The following PPFIA1 variants were observed in gnomAD, a reference collection of about 807,000 sequenced individuals.
The protein encoded by PPFIA1 is PPFI scaffold protein A1.
Under a neutral mutation model 149.9 loss-of-function variants are expected in PPFIA1, and 25 were observed. That is an observed-to-expected ratio of 0.17 (90% CI 0.12 to 0.23). PPFIA1 has a LOEUF of 0.23. Ranked by LOEUF, PPFIA1 falls within the 10% of genes least tolerant of loss-of-function variation. The probability of loss-of-function intolerance (pLI) is 1.00; values close to 1 mark genes in which losing one functional copy is unlikely to be tolerated. For missense variants in PPFIA1, 1,362 were observed against 1,506.5 expected, an observed-to-expected ratio of 0.90 and a Z score of 1.59; for synonymous variants, 549 against 552.8, an observed-to-expected ratio of 0.99 and a Z score of 0.10.
intron 19 of PPFIA1, chr11:70,358,715 T>G (rs1443340861): frequency 6.6e-6 from 1 of 152,242 alleles, no homozygotes; most frequent in Non-Finnish European, 1.5e-5. Flanking sequence ...TGCTTTCACT[T>G]ACAGAGAACT....
At chr11:70,283,547 G>C (rs111314974) in intron 2 of PPFIA1, among the ~76,000 whole-genome samples, 26 of 152,290 alleles carry the variant, frequency 1.7e-4, no homozygotes, top group African/African-American at 6.0e-4. Flanking sequence ...AGCTTCAGCT[G>C]GTTGCAGTGG....
chr11:70,335,440 G>A, intron 10 of PPFIA1, 123 bp from the exon 11 acceptor site: 2 of 1,126,878 alleles, frequency 1.8e-6, no homozygotes, highest in South Asian at 1.4e-5. Flanking sequence ...CAAGATGGCA[G>A]TGTGGGGAGC....
Position 70,275,679 on chromosome 11 carries a change from A to ACATGCTACATGTACAG in PPFIA1, c.264+3244_264+3245insATGCTACATGTACAGC, listed in dbSNP as rs1189153400. ...TAAAAGACTATTCTTTCCCCAGTGT[A>ACATGCTACATGTACAG]CTACATGCAGTGTCATCTCAGTCCA... On this transcript the variant is annotated intron_variant, in intron 2 of 27. Transcript: ENST00000253925. 2.6e-5 allele frequency among the ~76,000 whole-genome samples: 4 copies of ACATGCTACATGTACAG among 152,234 alleles called. No individual in the cohort carries two copies. The East Asian group carries it at 7.7e-4, about 29-fold the overall frequency.
intron 2 of PPFIA1, among the ~76,000 whole-genome samples, chr11:70,275,959 T>C (rs931849090): frequency 2.0e-5 from 3 of 152,180 alleles, no homozygotes; most frequent in African/African-American, 4.8e-5. Flanking sequence ...CCTGTAGATA[T>C]TCTTTATCAA....
intron 2 of PPFIA1, among the ~76,000 whole-genome samples, chr11:70,313,344 G>A (rs1360379980): frequency 6.6e-6 from 1 of 152,168 alleles, no homozygotes; most frequent in Admixed American, 6.5e-5. Context: ...TATTAGGGGG[G>A]CTTTGGGCTT....
intron 2 of PPFIA1, among the ~76,000 whole-genome samples, chr11:70,320,487 A>G (rs1197002013): frequency 1.4e-5 from 2 of 144,058 alleles, no homozygotes; most frequent in Admixed American, 7.3e-5. Context: ...CCTGGAGTGC[A>G]GTGGTGTGAT....
intron 21 of PPFIA1, chr11:70,365,821 A>G: frequency 2.5e-6 from 1 of 403,588 alleles, no homozygotes; most frequent in Non-Finnish European, 4.9e-6. Flanking sequence ...ATGCTTTGAT[A>G]GTCTGAACTT....
intron 2 of PPFIA1, among the ~76,000 whole-genome samples, chr11:70,291,502 C>G (rs2051520777): frequency 6.6e-6 from 1 of 152,150 alleles, no homozygotes; most frequent in Admixed American, 6.6e-5. Flanking sequence ...AGCTCATTTT[C>G]CTCCACCATA....
intron 2 of PPFIA1, among the ~76,000 whole-genome samples, chr11:70,310,081 C>T (rs555237558): frequency 1.3e-5 from 2 of 152,208 alleles, no homozygotes; most frequent in Middle Eastern, 3.4e-3. Flanking sequence ...ATATTCACAT[C>T]AGTATTTCAG....
Position 70,375,054 on chromosome 11 carries a change from A to G in PPFIA1, c.3276A>G (p.Ala1092=), listed in dbSNP as rs140582605. Residue 1092 remains alanine (A), a synonymous_variant, in exon 24 of 28, where the codon GCA becomes GCG. Transcript: ENST00000253925. ...LALDETFDFS[A]LALLLQIPTQ... ...TAGATGAAACCTTCGACTTCAGTGC[A>G]CTGGCACTGCTGTTACAGATCCCGA... 3.6e-3 allele frequency: 5,856 copies of G among 1,613,520 alleles called. 305 individuals are homozygous for G. In the Admixed American group the frequency reaches 0.09, roughly 25 times the overall value.
chr11:70,321,657 A>C (rs1346947790), intron 2 of PPFIA1, among the ~76,000 whole-genome samples: 1 of 152,358 alleles, frequency 6.6e-6, no homozygotes, highest in East Asian at 1.9e-4. Flanking sequence ...GAAATCTAGT[A>C]AATGAAAAGG....
At chr11:70,301,235 A>G (rs1372362731) in intron 2 of PPFIA1, among the ~76,000 whole-genome samples, 1 of 152,078 alleles carries the variant, frequency 6.6e-6, no homozygotes, top group Non-Finnish European at 1.5e-5. Context: ...AGTATCTACC[A>G]TGCTAGCCTG....
Position 70,324,418 on chromosome 11 carries a change from C to G in PPFIA1, c.281C>G (p.Thr94Ser), listed in dbSNP as rs547809296. ...ATTTTCTAGGAGTTCGCAGCACTTA[C>G]TAAAGAACTCAATGTATGCAGGGAA... is the stretch of plus-strand genomic sequence containing the variant. ...TALPQEFAAL[T>S]KELNVCREQL... Residue 94 changes from threonine (T) to serine (S), a missense_variant, in exon 3 of 28, where the codon ACT becomes AGT. Thr to Ser is a moderately conservative substitution (Grantham distance 58). This residue lies in a region of PPFIA1 where 79 missense variants were observed against 146.2 expected (regional missense o/e 0.54). Coordinates refer to ENST00000253925, the MANE Select transcript of PPFIA1 (RefSeq NM_003626.5). 34 of 1,609,900 alleles carry G rather than the reference C, an allele frequency of 2.1e-5. No homozygotes were observed. Among genetic ancestry groups the G allele is most frequent in the Non-Finnish European group, 2.9e-5 (34 of 1,178,038 alleles).
chr11:70,273,865 T>C (rs2050237923), intron 2 of PPFIA1, among the ~76,000 whole-genome samples: 3 of 152,204 alleles, frequency 2.0e-5, no homozygotes, highest in South Asian at 4.1e-4. Context: ...TATTGAAGTG[T>C]ATATCAAATA....
intron 2 of PPFIA1, among the ~76,000 whole-genome samples, chr11:70,277,003 C>CT (rs571511222): frequency 1.9e-3 from 164 of 87,362 alleles, no homozygotes; most frequent in African/African-American, 5.5e-3. Context: ...TTAATTTCTA[C>CT]TTTTTTTTTT....
intron 2 of PPFIA1, among the ~76,000 whole-genome samples, chr11:70,288,373 C>CAA: frequency 6.6e-6 from 1 of 152,072 alleles, no homozygotes; most frequent in South Asian, 2.1e-4. Flanking sequence ...CCCGGCCTCC[C>CAA]CTCTGCTTTT....
chr11:70,371,190 G>A (rs1376633372), intron 21 of PPFIA1: 1 of 152,136 alleles, frequency 6.6e-6, no homozygotes, highest in Non-Finnish European at 1.5e-5. Flanking sequence ...ATTTAGTAGG[G>A]GGTTCTAGAT....
chr11:70,271,948 C>A lies in PPFIA1; in HGVS notation c.1-225C>A, dbSNP rs1474872919. On this transcript the variant is annotated intron_variant, in intron 1 of 27. Transcript: ENST00000253925. ...TGAGGGTAGTCCTTTGGGATCTTGA[C>A]CCCTTCCCTGGATTTTTGTCTGTGT... is the stretch of plus-strand genomic sequence containing the variant. 7.3e-6 allele frequency: 4 copies of A among 544,218 alleles called. No homozygotes were observed. In the Admixed American group the frequency reaches 1.3e-4, roughly 18 times the overall value. 33.7% of individuals were successfully genotyped at this position (544,218 alleles called of 1,614,324 possible).
chr11:70,308,651 G>T (rs1350562698), intron 2 of PPFIA1, among the ~76,000 whole-genome samples: 1 of 152,100 alleles, frequency 6.6e-6, no homozygotes, highest in East Asian at 1.9e-4. Context: ...GATCGCAGAG[G>T]CTGGGCGCAG....
Sources: allele counts gnomAD v4.1 joint callset (sites outside exome capture counted in the v4.1 genomes callset), GRCh38; gene constraint gnomAD v4.1.1; regional missense constraint gnomAD v4.1.1; transcripts MANE v1.5; gene names NCBI Gene and HGNC (gene_info 2026-07-23, HGNC 2026-07-21).